AFF3: variants seen among roughly 807,000 people sequenced by gnomAD.
AFF3 encodes the protein ALF transcription elongation factor 3.
Under a neutral mutation model 129.7 loss-of-function variants are expected in AFF3, and 32 were observed. The observed-to-expected ratio is 0.25, with a 90% CI of 0.19 to 0.33. AFF3 has a LOEUF of 0.33. AFF3 is among the 10% of genes least tolerant of loss of function. The pLI is 1.00. For missense variants in AFF3, 1,373 were observed against 1,592.0 expected, an observed-to-expected ratio of 0.86 and a Z score of 2.34; for synonymous variants, 644 against 635.4, an observed-to-expected ratio of 1.01 and a Z score of -0.20.
intron 10 of AFF3, among the ~76,000 whole-genome samples, chr2:99,729,521 G>C (rs1463479778): frequency 2.0e-5 from 3 of 152,136 alleles, no homozygotes; most frequent in Non-Finnish European, 4.4e-5. Flanking sequence ...TCAGGAACGA[G>C]ATGGGATTAA....
chr2:99,733,602 A>T (rs893739942), intron 10 of AFF3, among the ~76,000 whole-genome samples: 16 of 152,148 alleles, frequency 1.1e-4, no homozygotes, highest in South Asian at 2.1e-4. Flanking sequence ...ACTGATTTTT[A>T]AAAAATACCT....
chr2:99,622,130 C>T (rs972820252), intron 13 of AFF3, among the ~76,000 whole-genome samples: 1 of 152,102 alleles, frequency 6.6e-6, no homozygotes, highest in Non-Finnish European at 1.5e-5. Flanking sequence ...AATACAGGAC[C>T]AGGGGTCTCC....
At chr2:99,829,662 A>G (rs1322614192) in intron 8 of AFF3, among the ~76,000 whole-genome samples, 1 of 152,226 alleles carries the variant, frequency 6.6e-6, no homozygotes, top group Non-Finnish European at 1.5e-5. Flanking sequence ...AGAAAGAGGA[A>G]TGCTTTTACA....
chr2:100,072,255 T>C (rs552670469), intron 4 of AFF3, among the ~76,000 whole-genome samples: 59 of 152,282 alleles, frequency 3.9e-4, no homozygotes, highest in African/African-American at 1.3e-3. Context: ...TAGATTCTCA[T>C]AGGAGAGTAA....
Position 99,626,710 on chromosome 2 carries a change from T to G in AFF3, c.1184+22916A>C, listed in dbSNP as rs551792443. On this transcript the variant is annotated intron_variant, in intron 13 of 24. Coordinates refer to ENST00000672756, the MANE Select transcript of AFF3 (RefSeq NM_001386135.1). ...CCTGTTATCCATTAGTTATTGTTTCTGACTATCTCCCTCCTCCCAGCCTCC... is the reference window on the plus strand; with the variant it reads ...CCTGTTATCCATTAGTTATTGTTTCGGACTATCTCCCTCCTCCCAGCCTCC... 7.9e-5 allele frequency among the ~76,000 whole-genome samples: 12 copies of G among 152,326 alleles called. No individual in the cohort carries two copies. The South Asian group carries it at 2.5e-3, about 32-fold the overall frequency.
At chr2:100,120,046 T>C (rs1691891057) in intron 2 of AFF3, among the ~76,000 whole-genome samples, 1 of 152,214 alleles carries the variant, frequency 6.6e-6, no homozygotes, top group Non-Finnish European at 1.5e-5. Context: ...GAGAAAAGAC[T>C]GGCAGCAAAG....
intron 14 of AFF3, among the ~76,000 whole-genome samples, chr2:99,598,614 C>T (rs1284316738): frequency 2.0e-5 from 3 of 152,222 alleles, no homozygotes; most frequent in Non-Finnish European, 4.4e-5. Context: ...GCGCCTCCTA[C>T]GCCCATAGCA....
chr2:99,839,246 A>G (rs1440583064), intron 7 of AFF3, among the ~76,000 whole-genome samples: 1 of 151,926 alleles, frequency 6.6e-6, no homozygotes, highest in Non-Finnish European at 1.5e-5. Flanking sequence ...AGTAGCTGGG[A>G]TTACAGGCTC....
chr2:99,573,794 G>A (rs570545735), intron 18 of AFF3, among the ~76,000 whole-genome samples: 7 of 152,286 alleles, frequency 4.6e-5, no homozygotes. Context: ...CAGAAGGGAC[G>A]TTTGGTGGTT....
intron 8 of AFF3, among the ~76,000 whole-genome samples, chr2:99,780,164 C>G (rs1558843303): frequency 6.6e-6 from 1 of 152,152 alleles, no homozygotes; most frequent in African/African-American, 2.4e-5. Context: ...GCAACTATCC[C>G]ATTTCTCTGC....
At chr2:99,755,906 T>C (rs188545162) in intron 8 of AFF3, among the ~76,000 whole-genome samples, 5 of 152,342 alleles carry the variant, frequency 3.3e-5, no homozygotes, top group Admixed American at 2.0e-4. Context: ...GGAGAATCAA[T>C]GGTAGGTCCA....
At chr2:99,913,007 C>A (rs1695211863) in intron 7 of AFF3, among the ~76,000 whole-genome samples, 1 of 152,194 alleles carries the variant, frequency 6.6e-6, no homozygotes, top group African/African-American at 2.4e-5. Context: ...TAACCCCACA[C>A]TCCATCAGAG....
intron 4 of AFF3, among the ~76,000 whole-genome samples, chr2:100,053,098 A>G (rs2105158972): frequency 6.6e-6 from 1 of 152,362 alleles, no homozygotes; most frequent in Middle Eastern, 3.4e-3. Context: ...AAGGTAATCT[A>G]AAACAACAGG....
intron 7 of AFF3, among the ~76,000 whole-genome samples, chr2:100,001,260 TAA>T (rs1328648677): frequency 2.0e-5 from 3 of 152,154 alleles, no homozygotes; most frequent in African/African-American, 7.2e-5. Flanking sequence ...CTTAATGATA[TAA>T]GTCTGAAGGA....
chr2:99,648,738 A>G (rs1684918695), intron 13 of AFF3, among the ~76,000 whole-genome samples: 1 of 152,068 alleles, frequency 6.6e-6, no homozygotes, highest in South Asian at 2.1e-4. Context: ...ACTGGGAAGG[A>G]AGGCAGGGTG....
At chr2:99,868,988 G>A (rs1032983111) in intron 7 of AFF3, among the ~76,000 whole-genome samples, 2 of 151,894 alleles carry the variant, frequency 1.3e-5, no homozygotes, top group Admixed American at 6.6e-5. Flanking sequence ...AGATGGTCTC[G>A]CTTTGTTGCC....
At chr2:99,650,125 A>G (rs1685100756) in intron 12 of AFF3, among the ~76,000 whole-genome samples, 1 of 152,252 alleles carries the variant, frequency 6.6e-6, no homozygotes, top group Admixed American at 6.5e-5. Flanking sequence ...CACAGTTGGA[A>G]TATGGAATGC....
At position 99,558,977 on chromosome 2, in the gene AFF3, G is replaced by A. The variant is rs1675213613; in HGVS notation, c.3192-9C>T. 1.2e-6 allele frequency: 2 copies of A among 1,613,878 alleles called. No homozygotes were observed. Among genetic ancestry groups the A allele is most frequent in the Non-Finnish European group, 1.7e-6 (2 of 1,179,890 alleles). ...GGGCCAGGCATCGGTAACTGCAGGCGAAAAGAGAAACAGGCCCAGAAGCGG... is the reference window on the plus strand; with the variant it reads ...GGGCCAGGCATCGGTAACTGCAGGCAAAAAGAGAAACAGGCCCAGAAGCGG... On this transcript the variant is annotated splice_polypyrimidine_tract_variant and intron_variant, in intron 21 of 24. Coordinates refer to ENST00000672756, the MANE Select transcript of AFF3 (RefSeq NM_001386135.1).
rs888490268 is a variant in AFF3 at position 99,604,666 on chromosome 2, A to G, written c.1185-3045T>C. On this transcript the variant is annotated intron_variant, in intron 13 of 24. Transcript: ENST00000672756. ...TTTTGGTAGATCCCAAAACACTCAA[A>G]ACACTGGGGGGAAACACTCAAAAAT... Among the ~76,000 whole-genome samples, 4 of 152,182 alleles carry G rather than the reference A, an allele frequency of 2.6e-5. No homozygotes were observed. In the South Asian group the frequency reaches 8.3e-4, roughly 32 times the overall value.
Sources: gnomAD v4.1 joint callset for allele counts (sites outside exome capture counted in the v4.1 genomes callset) on GRCh38, gnomAD v4.1.1 for gene constraint, MANE v1.5 for transcripts, NCBI Gene and HGNC (gene_info 2026-07-23, HGNC 2026-07-21) for gene names.